The following ITGB5 variants were observed in gnomAD, a reference collection of about 807,000 sequenced individuals.
ITGB5 encodes integrin subunit beta 5.
In ITGB5, 38 loss-of-function variants were observed where a neutral mutation model predicts 84.8. That is an observed-to-expected ratio of 0.45 (90% CI 0.35 to 0.59). The LOEUF (loss-of-function observed/expected upper bound fraction) is 0.59, where lower values mean the gene tolerates loss of function less well. Among genes scored for constraint, ITGB5 ranks in the 20% least tolerant of loss-of-function variants. The pLI, the probability that ITGB5 is intolerant of heterozygous loss-of-function variation, is 0.01. For synonymous variants in ITGB5, 393 were observed against 414.4 expected (o/e 0.95, Z 0.63); for missense variants, 905 against 1,034.5 (o/e 0.87, Z 1.72).
intron 14 of ITGB5, among the ~76,000 whole-genome samples, chr3:124,764,155 C>G (rs546233365): frequency 6.6e-6 from 1 of 152,174 alleles, no homozygotes; most frequent in Non-Finnish European, 1.5e-5. Context: ...GCACGCCCAG[C>G]GCCTCTGCCC....
chr3:124,781,731 C>T (rs1157347755), intron 10 of ITGB5, among the ~76,000 whole-genome samples: 2 of 152,176 alleles, frequency 1.3e-5, no homozygotes, highest in Non-Finnish European at 2.9e-5. Flanking sequence ...GTTTCTTTCA[C>T]AAAGAAAGCA....
chr3:124,845,984 G>A lies in ITGB5; in HGVS notation c.611+2325C>T, dbSNP rs759086937. On this transcript the variant is annotated intron_variant, in intron 4 of 14. Coordinates refer to ENST00000296181, the MANE Select transcript of ITGB5 (RefSeq NM_002213.5). Reference sequence around the variant, plus strand: ...GTAATAGTCCCTGTGGCCACCTGTCGCCAGGAGGAAGCTAAACCCAGCAAA... The same window carrying A: ...GTAATAGTCCCTGTGGCCACCTGTCACCAGGAGGAAGCTAAACCCAGCAAA... Among the ~76,000 whole-genome samples, 154 of 152,316 alleles carry A rather than the reference G, an allele frequency of 1.0e-3. 2 individuals are homozygous for A. The highest frequency in any genetic ancestry group is 3.5e-4 in the Non-Finnish European group (24 of 68,028).
At chr3:124,810,340 G>A (rs1156244866) in intron 8 of ITGB5, among the ~76,000 whole-genome samples, 2 of 152,216 alleles carry the variant, frequency 1.3e-5, no homozygotes, top group African/African-American at 2.4e-5. Context: ...GAAGAGGGCA[G>A]AATAGGGACT....
chr3:124,835,785 A>G (rs545396774), intron 5 of ITGB5, among the ~76,000 whole-genome samples: 1 of 152,354 alleles, frequency 6.6e-6, no homozygotes, highest in African/African-American at 2.4e-5. Context: ...ATAAGTCAAA[A>G]GAAAGCGAGT....
chr3:124,876,550 C>T (rs1055891865), intron 1 of ITGB5, among the ~76,000 whole-genome samples: 5 of 152,036 alleles, frequency 3.3e-5, no homozygotes, highest in African/African-American at 1.2e-4. Context: ...ACCCCAGGGA[C>T]TTTAGAAGGA....
rs2064924322 is a variant in ITGB5 at position 124,835,624 on chromosome 3, C to G, written c.780+5759G>C. On this transcript the variant is annotated intron_variant, in intron 5 of 14. Transcript: ENST00000296181. ...ACAGACAACGCAGACAGCTGGGAAG[C>G]AGAACATGTGGCGGGTCCCTCTCTT... 2.0e-5 allele frequency among the ~76,000 whole-genome samples: 3 copies of G among 152,236 alleles called. No homozygotes were observed. The South Asian group carries it at 6.2e-4, about 31-fold the overall frequency.
intron 1 of ITGB5, among the ~76,000 whole-genome samples, chr3:124,900,506 T>A (rs1167227878): frequency 2.6e-5 from 4 of 152,148 alleles, no homozygotes; most frequent in Non-Finnish European, 4.4e-5. Flanking sequence ...TCAGGAAAAA[T>A]GTTACCAGGC....
intron 8 of ITGB5, 57 bp from the exon 9 acceptor site, chr3:124,809,213 C>T: frequency 1.3e-6 from 2 of 1,593,126 alleles, no homozygotes; most frequent in Non-Finnish European, 1.7e-6. Flanking sequence ...GGCTGAGGTG[C>T]TCCCACACTG....
chr3:124,820,683 G>C (rs138205667), intron 6 of ITGB5, among the ~76,000 whole-genome samples: 32 of 152,354 alleles, frequency 2.1e-4, no homozygotes, highest in Middle Eastern at 3.4e-3. Flanking sequence ...ATTGCACAGT[G>C]AGTATGCAAG....
At chr3:124,898,643 CAAAA>C (rs68025034) in intron 1 of ITGB5, among the ~76,000 whole-genome samples, 20 of 29,262 alleles carry the variant, frequency 6.8e-4, no homozygotes, top group South Asian at 2.1e-3. Flanking sequence ...GACTCCGTCT[CAAAA>C]AAAAAAAAAA....
intron 10 of ITGB5, among the ~76,000 whole-genome samples, chr3:124,787,005 C>T (rs568512575): frequency 1.6e-4 from 25 of 152,244 alleles, no homozygotes; most frequent in Admixed American, 7.9e-4. Flanking sequence ...GCTAATACCA[C>T]GCACACCTCA....
At chr3:124,776,398 G>T (rs1272585938) in intron 10 of ITGB5, among the ~76,000 whole-genome samples, 3 of 152,206 alleles carry the variant, frequency 2.0e-5, no homozygotes, top group Admixed American at 6.5e-5. Context: ...CAATTAAAAT[G>T]GCTCACTGTG....
intron 10 of ITGB5, chr3:124,787,732 T>C (rs2150956310): frequency 6.6e-6 from 1 of 152,336 alleles, no homozygotes; most frequent in African/African-American, 2.4e-5. Context: ...TTTCCAAAGC[T>C]CTGGTTTCTC....
chr3:124,786,781 C>T (rs2064087713), intron 10 of ITGB5, among the ~76,000 whole-genome samples: 1 of 152,196 alleles, frequency 6.6e-6, no homozygotes, highest in African/African-American at 2.4e-5. Flanking sequence ...AGACCTGCCC[C>T]ACCTCACCAG....
intron 9 of ITGB5, among the ~76,000 whole-genome samples, chr3:124,808,568 C>T (rs1299698835): frequency 1.3e-5 from 2 of 152,178 alleles, no homozygotes; most frequent in African/African-American, 4.8e-5. Context: ...GTCATCCATT[C>T]TATTTCACCA....
At chr3:124,879,574 C>T (rs764343918) in intron 1 of ITGB5, among the ~76,000 whole-genome samples, 8 of 152,222 alleles carry the variant, frequency 5.3e-5, no homozygotes, top group Non-Finnish European at 1.0e-4. Context: ...CCTTTATGAA[C>T]ATCAGACATC....
chr3:124,766,453 G>C (rs368511687), intron 12 of ITGB5, 108 bp from the exon 13 acceptor site: 11 of 1,348,530 alleles, frequency 8.2e-6, no homozygotes, highest in East Asian at 2.4e-5. Context: ...GGCATGGGGG[G>C]TGTGGGCAGA....
chr3:124,880,095 G>A (rs1934502748), intron 1 of ITGB5, among the ~76,000 whole-genome samples: 1 of 152,084 alleles, frequency 6.6e-6, no homozygotes, highest in South Asian at 2.1e-4. Context: ...CCCAAGAGGG[G>A]GATGATCTAC....
At chr3:124,865,251 T>C (rs1439230358) in intron 2 of ITGB5, among the ~76,000 whole-genome samples, 5 of 152,024 alleles carry the variant, frequency 3.3e-5, no homozygotes, top group African/African-American at 7.2e-5. Context: ...CAGGCAAAAA[T>C]GGCAACCTTT....
Sources: allele counts gnomAD v4.1 joint callset (sites outside exome capture counted in the v4.1 genomes callset), GRCh38; gene constraint gnomAD v4.1.1; transcripts MANE v1.5; gene names NCBI Gene and HGNC (gene_info 2026-07-23, HGNC 2026-07-21).